Variants in LRP6 observed in about 807,000 individuals in gnomAD.
LRP6 encodes the protein low-density lipoprotein receptor-related protein 6.
LRP6 carries 43 observed loss-of-function variants against 184.1 expected under a neutral mutation model. That is an observed-to-expected ratio of 0.23 (90% CI 0.18 to 0.30). The LOEUF is 0.30. LRP6 is among the 10% of genes least tolerant of loss of function. The probability of loss-of-function intolerance (pLI) is 1.00; values close to 1 mark genes in which losing one functional copy is unlikely to be tolerated. For missense variants in LRP6, 1,571 were observed against 2,005.3 expected, an observed-to-expected ratio of 0.78 and a Z score of 4.14; for synonymous variants, 719 against 684.9, an observed-to-expected ratio of 1.05 and a Z score of -0.78.
chr12:12,167,275 G>A (rs1862904339), intron 7 of LRP6, among the ~76,000 whole-genome samples: 2 of 152,050 alleles, frequency 1.3e-5, no homozygotes, highest in African/African-American at 4.8e-5. Context: ...ACAGTATTGT[G>A]GCAGAAAGAG....
At chr12:12,220,470 C>T (rs373923056) in intron 2 of LRP6, among the ~76,000 whole-genome samples, 4 of 152,300 alleles carry the variant, frequency 2.6e-5, no homozygotes, top group East Asian at 3.9e-4. Context: ...CTGCACAAGA[C>T]TGGTTCTTCT....
At chr12:12,191,580 GAAT>G (rs1863617242) in intron 3 of LRP6, among the ~76,000 whole-genome samples, 1 of 152,004 alleles carries the variant, frequency 6.6e-6, no homozygotes, top group Non-Finnish European at 1.5e-5. Context: ...ATAAAGTGAA[GAAT>G]AACATTCCTA....
At chr12:12,223,077 C>T (rs1817257264) in intron 2 of LRP6, among the ~76,000 whole-genome samples, 1 of 149,852 alleles carries the variant, frequency 6.7e-6, no homozygotes, top group Admixed American at 6.7e-5. Flanking sequence ...GTAACCTCCA[C>T]ACAGGCCATT....
At chr12:12,199,252 T>G (rs1177021466) in intron 3 of LRP6, among the ~76,000 whole-genome samples, 4 of 151,856 alleles carry the variant, frequency 2.6e-5, no homozygotes, top group Non-Finnish European at 4.4e-5. Flanking sequence ...TAAAAGTACG[T>G]AGGGTCAAAG....
chr12:12,147,569 G>A lies in LRP6; in HGVS notation c.3207-13C>T, dbSNP rs772957308. The A allele has an allele frequency of 1.2e-6, 2 of 1,606,562 alleles. No homozygotes were observed. Among genetic ancestry groups the A allele is most frequent in the Non-Finnish European group, 1.7e-6 (2 of 1,174,090 alleles). On this transcript the variant is annotated splice_polypyrimidine_tract_variant and intron_variant, in intron 14 of 22. Coordinates refer to ENST00000261349, the MANE Select transcript of LRP6 (RefSeq NM_002336.3). ...AAAATACATATACCTAGAGGGAAAG[G>A]AGGAAAAAAATAAGTTACTGGAGTA...
At position 12,118,435 on chromosome 12, in the gene LRP6, C is replaced by T. The variant is rs1219810846; in HGVS notation, c.*2691G>A. On this transcript the variant is annotated 3_prime_UTR_variant, in exon 23 of 23. Transcript: ENST00000261349. ...CAGTTAGTGCATATATTTTAGGACA[C>T]ATGTTCAAAATAAATACTTTTGCAT... The T allele has an allele frequency of 1.3e-5, 2 of 152,212 alleles. No individual in the cohort carries two copies. The highest frequency in any genetic ancestry group is 6.5e-5 in the Admixed American group (1 of 15,286). The allele number at this position is 152,212 out of a possible 1,614,324, so 9.4% of individuals were successfully genotyped here. A position where few individuals can be genotyped will look rare whatever the true frequency, so the allele number is the denominator to read the frequency against.
intron 2 of LRP6, among the ~76,000 whole-genome samples, chr12:12,231,177 T>C (rs1013444290): frequency 3.1e-5 from 1 of 32,772 alleles, no homozygotes; most frequent in Non-Finnish European, 6.2e-5. Context: ...CAAGACTCCA[T>C]CTCAAAAAAA....
chr12:12,156,952 T>C (rs190580992), intron 12 of LRP6, among the ~76,000 whole-genome samples: 20 of 152,368 alleles, frequency 1.3e-4, no homozygotes, highest in Admixed American at 1.2e-3. Context: ...AATAAAGTTT[T>C]ACTGGAATTC....
In LRP6 at chr12:12,118,007, T is replaced by G. The variant is rs1465521484; in HGVS notation, c.*3119A>C. ...CTAAGTACCTATCATCTCTGTAGAA[T>G]AGGTGTTCTCAAACTTACTAAAGAA... On this transcript the variant is annotated 3_prime_UTR_variant, in exon 23 of 23. Coordinates refer to ENST00000261349, the MANE Select transcript of LRP6 (RefSeq NM_002336.3). 2 of 152,238 alleles carry G rather than the reference T, an allele frequency of 1.3e-5. No individual in the cohort carries two copies. The highest frequency in any genetic ancestry group is 4.8e-5 in the African/African-American group (2 of 41,468). The allele number at this position is 152,238 out of a possible 1,614,324, so 9.4% of individuals were successfully genotyped here.
intron 9 of LRP6, 45 bp downstream of exon 9, chr12:12,164,228 C>T (rs143433509): frequency 0.012 from 17,957 of 1,559,286 alleles, 127 homozygotes; most frequent in Middle Eastern, 0.019. Flanking sequence ...TCTAGAAGTT[C>T]TCCCTTTTAG....
At chr12:12,232,112 G>A (rs907809895) in intron 2 of LRP6, among the ~76,000 whole-genome samples, 6 of 151,960 alleles carry the variant, frequency 3.9e-5, no homozygotes, top group African/African-American at 1.5e-4. Context: ...GGCTGGGCAC[G>A]GTGGCTCACG....
In LRP6 at chr12:12,116,811, T is replaced by C. The variant is rs947169755; in HGVS notation, c.*4315A>G. On this transcript the variant is annotated 3_prime_UTR_variant, in exon 23 of 23. Coordinates refer to ENST00000261349, the MANE Select transcript of LRP6 (RefSeq NM_002336.3). ...TTATGAAAAAGAAAAACAGCAAAGT[T>C]TACCTCAATTGAAAGAGGGTGAGGG... is the stretch of plus-strand genomic sequence containing the variant. 2 of 152,172 alleles carry C rather than the reference T, an allele frequency of 1.3e-5. No homozygotes were observed. Among genetic ancestry groups the C allele is most frequent in the Non-Finnish European group, 2.9e-5 (2 of 68,032 alleles). 9.4% of individuals were successfully genotyped at this position (152,172 alleles called of 1,614,324 possible). A position where few individuals can be genotyped will look rare whatever the true frequency, so the allele number is the denominator to read the frequency against.
chr12:12,127,129 C>A (rs189432273), intron 19 of LRP6, among the ~76,000 whole-genome samples: 1 of 152,044 alleles, frequency 6.6e-6, no homozygotes, highest in East Asian at 1.9e-4. Flanking sequence ...AATGAACTAC[C>A]CTTAAATGAA....
intron 3 of LRP6, among the ~76,000 whole-genome samples, chr12:12,194,600 T>C (rs1279236141): frequency 6.6e-6 from 1 of 152,142 alleles, no homozygotes; most frequent in Non-Finnish European, 1.5e-5. Context: ...TTTTAAAAAA[T>C]GTTTAACTGG....
intron 15 of LRP6, among the ~76,000 whole-genome samples, chr12:12,142,076 C>G (rs1194059452): frequency 6.6e-6 from 1 of 152,052 alleles, no homozygotes; most frequent in Non-Finnish European, 1.5e-5. Context: ...CATTTTTAAG[C>G]AAGTTTATTT....
intron 1 of LRP6, among the ~76,000 whole-genome samples, chr12:12,252,317 T>C (rs749757524): frequency 3.3e-5 from 5 of 152,256 alleles, no homozygotes; most frequent in East Asian, 3.8e-4. Flanking sequence ...ACAACTGTCT[T>C]TGAGATTTCC....
At chr12:12,188,991 T>C (rs927371321) in intron 3 of LRP6, among the ~76,000 whole-genome samples, 1 of 152,076 alleles carries the variant, frequency 6.6e-6, no homozygotes, top group Non-Finnish European at 1.5e-5. Flanking sequence ...CATTTCACCA[T>C]CTTAAAGAAC....
At chr12:12,265,383 G>A (rs542035823) in intron 1 of LRP6, among the ~76,000 whole-genome samples, 1 of 152,096 alleles carries the variant, frequency 6.6e-6, no homozygotes, top group East Asian at 1.9e-4. Flanking sequence ...TTACTACAGA[G>A]TAACTGAAGA....
At chr12:12,125,153 G>A in intron 21 of LRP6, 143 bp downstream of exon 21, 1 of 827,144 alleles carries the variant, frequency 1.2e-6, no homozygotes, top group Non-Finnish European at 2.0e-6. Flanking sequence ...GGTGGTGTGT[G>A]GTAAGTCCTT....
Sources: gnomAD v4.1 joint callset for allele counts (sites outside exome capture counted in the v4.1 genomes callset) on GRCh38, gnomAD v4.1.1 for gene constraint, MANE v1.5 for transcripts, NCBI Gene and HGNC (gene_info 2026-07-23, HGNC 2026-07-21) for gene names.